Variants in DAB1 observed in about 807,000 individuals in gnomAD.
The protein encoded by DAB1 is disabled homolog 1.
Under a neutral mutation model 64.6 loss-of-function variants are expected in DAB1, and 15 were observed. That is an observed-to-expected ratio of 0.23 (90% CI 0.16 to 0.36). DAB1 has a LOEUF of 0.36. DAB1 is among the 10% of genes least tolerant of loss of function. The probability of loss-of-function intolerance (pLI) is 1.00; values close to 1 mark genes in which losing one functional copy is unlikely to be tolerated. For synonymous variants in DAB1, 235 were observed against 251.9 expected (o/e 0.93, Z 0.64); for missense variants, 596 against 706.7 (o/e 0.84, Z 1.78).
intron 4 of DAB1, among the ~76,000 whole-genome samples, chr1:57,096,066 T>C (rs543869006): frequency 6.6e-6 from 1 of 152,312 alleles, no homozygotes; most frequent in African/African-American, 2.4e-5. Context: ...ATGCATTTTC[T>C]CATTTGAGCC....
intron 5 of DAB1, among the ~76,000 whole-genome samples, chr1:58,047,373 C>CCA (rs1457134833): frequency 6.6e-6 from 1 of 152,162 alleles, no homozygotes; most frequent in African/African-American, 2.4e-5. Flanking sequence ...TGCCCAATAG[C>CCA]CACGTGTGGT....
intron 5 of DAB1, among the ~76,000 whole-genome samples, chr1:58,075,550 G>A (rs74866560): frequency 6.6e-6 from 1 of 152,126 alleles, no homozygotes; most frequent in Non-Finnish European, 1.5e-5. Context: ...GCCTATAGAA[G>A]GAGCAAAACC....
intron 4 of DAB1, among the ~76,000 whole-genome samples, chr1:58,239,465 CAG>C (rs1216713542): frequency 6.6e-6 from 1 of 152,150 alleles, no homozygotes; most frequent in South Asian, 2.1e-4. Flanking sequence ...GCTTTGGAAA[CAG>C]AGAACAAGTT....
chr1:58,339,318 C>G (rs1569659645), intron 4 of DAB1, among the ~76,000 whole-genome samples: 1 of 152,058 alleles, frequency 6.6e-6, no homozygotes, highest in East Asian at 1.9e-4. Flanking sequence ...CATATCAAGC[C>G]CTGTTCTAGA....
chr1:57,954,716 A>G (rs1313889021), intron 5 of DAB1, among the ~76,000 whole-genome samples: 4 of 152,158 alleles, frequency 2.6e-5, no homozygotes, highest in Non-Finnish European at 4.4e-5. Flanking sequence ...GGAGTTCAGG[A>G]TTAGTCTGAC....
intron 5 of DAB1, among the ~76,000 whole-genome samples, chr1:58,080,585 C>T (rs1649935605): frequency 6.6e-6 from 1 of 152,192 alleles, no homozygotes; most frequent in Non-Finnish European, 1.5e-5. Context: ...AGGAGTAAAT[C>T]AACTTGAAGC....
intron 7 of DAB1, among the ~76,000 whole-genome samples, chr1:57,577,187 G>A (rs1645260725): frequency 6.6e-6 from 1 of 152,072 alleles, no homozygotes; most frequent in Non-Finnish European, 1.5e-5. Context: ...GCTATTACAC[G>A]AATCAAGGCA....
At chr1:57,595,812 C>A (rs1408843225) in intron 7 of DAB1, among the ~76,000 whole-genome samples, 1 of 152,102 alleles carries the variant, frequency 6.6e-6, no homozygotes, top group African/African-American at 2.4e-5. Flanking sequence ...CACCTCCCCA[C>A]CTCTCTTCCT....
At chr1:57,014,830 G>T in intron 12 of DAB1, 53 bp downstream of exon 12, 2 of 1,457,652 alleles carry the variant, frequency 1.4e-6, no homozygotes, top group Non-Finnish European at 1.8e-6. Flanking sequence ...CCCGCCTCCA[G>T]ACATGAGTTA....
At chr1:57,852,507 A>G (rs1653573653) in intron 1 of DAB1, among the ~76,000 whole-genome samples, 1 of 152,056 alleles carries the variant, frequency 6.6e-6, no homozygotes, top group Admixed American at 6.5e-5. Context: ...TCCGTGGTGA[A>G]TGCCCACATC....
intron 2 of DAB1, among the ~76,000 whole-genome samples, chr1:57,230,431 G>C (rs1454405420): frequency 2.6e-5 from 4 of 151,294 alleles, no homozygotes; most frequent in Non-Finnish European, 5.9e-5. Flanking sequence ...TAAGGAAATA[G>C]AATTACTAAA....
chr1:57,301,487 C>T (rs1673651561), intron 1 of DAB1, among the ~76,000 whole-genome samples: 1 of 152,200 alleles, frequency 6.6e-6, no homozygotes, highest in African/African-American at 2.4e-5. Context: ...GTTTCCTCCA[C>T]AGAGTGTTTG....
At chr1:57,780,161 A>G (rs933750044) in intron 6 of DAB1, among the ~76,000 whole-genome samples, 5 of 152,128 alleles carry the variant, frequency 3.3e-5, no homozygotes, top group African/African-American at 1.2e-4. Flanking sequence ...TGGAGGTTCC[A>G]TCTCTTAAAT....
intron 7 of DAB1, among the ~76,000 whole-genome samples, chr1:57,504,890 A>G (rs1451070978): frequency 6.6e-6 from 1 of 152,224 alleles, no homozygotes; most frequent in East Asian, 1.9e-4. Flanking sequence ...TTTGAGTGAT[A>G]TGCCACAAAA....
At chr1:57,196,148 A>G (rs1664603921) in intron 2 of DAB1, among the ~76,000 whole-genome samples, 1 of 152,206 alleles carries the variant, frequency 6.6e-6, no homozygotes, top group African/African-American at 2.4e-5. Context: ...ATAGGTATAC[A>G]CATAAATTTG....
In DAB1 at chr1:57,555,249, G is replaced by T. The variant is rs187868828; in HGVS notation, n.625+94343C>A. Reference sequence around the variant, plus strand: ...TGGGTTTCACCATGTTGGCCAGGATGGTCTCCATCTCTTGACCTTGTGATC... The same window carrying T: ...TGGGTTTCACCATGTTGGCCAGGATTGTCTCCATCTCTTGACCTTGTGATC... On this transcript the variant is annotated intron_variant and non_coding_transcript_variant, in intron 7 of 20. Transcript: ENST00000485760. Among the ~76,000 whole-genome samples, 9 of 151,776 alleles carry T rather than the reference G, an allele frequency of 5.9e-5. No individual in the cohort carries two copies. The East Asian group carries it at 1.7e-3, about 29-fold the overall frequency.
At chr1:57,439,424 T>TTTTTTTTTTTTTTTTTG (rs1558381326) in intron 7 of DAB1, among the ~76,000 whole-genome samples, 2 of 117,192 alleles carry the variant, frequency 1.7e-5, no homozygotes, top group South Asian at 2.9e-4. Context: ...TGAGGTTTTT[T>TTTTTTTTTTTTTTTTTG]CTTTTTTTTT....
intron 5 of DAB1, among the ~76,000 whole-genome samples, chr1:58,105,089 A>G (rs1651554232): frequency 6.6e-6 from 1 of 152,206 alleles, no homozygotes. Flanking sequence ...TTGCGACCAC[A>G]AAAACTCTGA....
chr1:58,019,549 T>A lies in DAB1; in HGVS notation n.387+130962A>T, dbSNP rs115828923. Among the ~76,000 whole-genome samples, 1,038 of 152,326 alleles carry A rather than the reference T, an allele frequency of 6.8e-3. 12 individuals carry two copies. Among genetic ancestry groups the A allele is most frequent in the African/African-American group, 0.024 (978 of 41,574 alleles). ...GACACTATCCTAGAGATGTTTCTTA[T>A]GTTATCCTATTTCACATTTCTAACT... On this transcript the variant is annotated intron_variant and non_coding_transcript_variant, in intron 5 of 20. Transcript: ENST00000485760.
Sources: allele counts gnomAD v4.1 joint callset (sites outside exome capture counted in the v4.1 genomes callset), GRCh38; gene constraint gnomAD v4.1.1; transcripts MANE v1.5; gene names NCBI Gene and HGNC (gene_info 2026-07-23, HGNC 2026-07-21).